The following TUT7 variants were observed in gnomAD, a reference collection of about 807,000 sequenced individuals.
TUT7 encodes the protein terminal uridylyltransferase 7.
A neutral mutation model predicts 165.9 loss-of-function variants in TUT7; 33 were observed. The ratio of observed to expected loss-of-function variants is 0.20; its 90% CI spans 0.15 to 0.27. The LOEUF (loss-of-function observed/expected upper bound fraction) is 0.27. TUT7 is among the 10% of genes least tolerant of loss of function. The pLI is 1.00. For synonymous variants in TUT7, 552 were observed against 608.1 expected (o/e 0.91, Z 1.36); for missense variants, 1,338 against 1,762.3 (o/e 0.76, Z 4.31).
chr9:86,317,147 T>C, intron 17 of TUT7, 72 bp downstream of exon 17: 3 of 1,330,842 alleles, frequency 2.3e-6, no homozygotes, highest in Non-Finnish European at 3.2e-6. Context: ...ACCCCATGGA[T>C]ACCAAGGGAA....
rs779112466 is a variant in TUT7 at position 86,323,470 on chromosome 9, C to T, written c.2280G>A (p.Lys760=). 1 of 1,614,230 alleles carries T rather than the reference C, an allele frequency of 6.2e-7. No homozygotes were observed. The part of the protein sequence containing the change: ...NEKEKVGRKG[K]HLLTVDQKRG... Reference sequence around the variant, plus strand: ...GTTTCTGATCAACAGTCAACAGATGCTTGCCCTTCCTTCCAACTTTCTCTT... The same window carrying T: ...GTTTCTGATCAACAGTCAACAGATGTTTGCCCTTCCTTCCAACTTTCTCTT... Residue 760 remains lysine (K), a synonymous_variant, in exon 13 of 27, where the codon AAG becomes AAA. Coordinates refer to ENST00000375963, the MANE Select transcript of TUT7 (RefSeq NM_024617.4).
intron 10 of TUT7, among the ~76,000 whole-genome samples, chr9:86,333,520 T>A (rs991909219): frequency 6.6e-6 from 1 of 152,222 alleles, no homozygotes; most frequent in South Asian, 2.1e-4. Flanking sequence ...CCCAAAGGCA[T>A]TGTTCATTTC....
At chr9:86,316,745 G>A (rs1828758551) in intron 17 of TUT7, among the ~76,000 whole-genome samples, 1 of 151,714 alleles carries the variant, frequency 6.6e-6, no homozygotes, top group African/African-American at 2.4e-5. Flanking sequence ...CATTAATATT[G>A]CAATTATTCT....
Position 86,338,969 on chromosome 9 carries a change from G to A in TUT7, c.1209-20C>T, listed in dbSNP as rs1238627917. ...AGACCACTGGTGAGAGGTGGGGGAG[G>A]AGGATGGGAAAGAAAAAAAGAAAAA... On this transcript the variant is annotated intron_variant, in intron 8 of 26. Coordinates refer to ENST00000375963, the MANE Select transcript of TUT7 (RefSeq NM_024617.4). 2.6e-6 allele frequency: 4 copies of A among 1,552,094 alleles called. No individual in the cohort carries two copies. Among genetic ancestry groups the A allele is most frequent in the Non-Finnish European group, 3.5e-6 (4 of 1,146,962 alleles).
chr9:86,336,726 C>T (rs368142151), intron 10 of TUT7, among the ~76,000 whole-genome samples: 5 of 152,258 alleles, frequency 3.3e-5, no homozygotes, highest in African/African-American at 1.2e-4. Context: ...AAAAGTGTAT[C>T]AAGGTAATAC....
Position 86,288,683 on chromosome 9 carries a change from T to C in TUT7, c.4482A>G (p.Glu1494=). ...GTGCTGCATTTTCCTTCCCTCATGA[T>C]TCCTGCTGGGTCCTCTTCGCTGAGG... is the stretch of plus-strand genomic sequence containing the variant. The part of the protein sequence containing the change: ...GKASAKRTQQ[E]S Residue 1494 remains glutamate, a synonymous_variant, in exon 27 of 27, where the codon GAA becomes GAG. Transcript: ENST00000375963. 6.2e-7 allele frequency: 1 copy of C among 1,613,724 alleles called. No homozygotes were observed. Among genetic ancestry groups the C allele is most frequent in the Non-Finnish European group, 8.5e-7 (1 of 1,179,726 alleles).
rs910128936 is a variant in TUT7 at position 86,323,164 on chromosome 9, G to A, written c.2586C>T (p.Leu862=). 6.2e-7 allele frequency: 1 copy of A among 1,614,114 alleles called. No individual in the cohort carries two copies. Among genetic ancestry groups the A allele is most frequent in the Non-Finnish European group, 8.5e-7 (1 of 1,180,030 alleles). The change falls in exon 13 of 27, where the codon CTC becomes CTT. Residue 862 remains leucine, a synonymous_variant. Coordinates refer to ENST00000375963, the MANE Select transcript of TUT7 (RefSeq NM_024617.4). ...CTTCATCTTCCCTTTGGTTAATGGTGAGCCTAGGTTCTTCTTCCTCCTCCT... is the reference window on the plus strand; with the variant it reads ...CTTCATCTTCCCTTTGGTTAATGGTAAGCCTAGGTTCTTCTTCCTCCTCCT... ...EEEEEEEEPR[L]TINQREDEDG...
intron 26 of TUT7, among the ~76,000 whole-genome samples, chr9:86,289,197 A>G (rs1007383001): frequency 2.0e-5 from 3 of 152,230 alleles, no homozygotes; most frequent in Non-Finnish European, 4.4e-5. Context: ...TATAAAAGGA[A>G]AAAGGGAAAT....
intron 26 of TUT7, among the ~76,000 whole-genome samples, chr9:86,293,399 T>C (rs376904230): frequency 2.0e-5 from 3 of 152,204 alleles, no homozygotes; most frequent in African/African-American, 4.8e-5. Context: ...TGAGCTATAA[T>C]TGAGCCACTG....
intron 5 of TUT7, among the ~76,000 whole-genome samples, chr9:86,343,425 TATC>T (rs1831482148): frequency 6.6e-6 from 1 of 152,206 alleles, no homozygotes; most frequent in Admixed American, 6.5e-5. Flanking sequence ...ATTGCTACGT[TATC>T]ATGTATTTTA....
intron 12 of TUT7, 56 bp downstream of exon 12, chr9:86,325,278 G>T: frequency 2.6e-6 from 4 of 1,539,788 alleles, no homozygotes; most frequent in Non-Finnish European, 3.6e-6. Flanking sequence ...CATGCTGTTA[G>T]ACTGGTACCT....
chr9:86,322,824 A>G (rs764433944), intron 13 of TUT7, 49 bp downstream of exon 13: 2 of 1,516,948 alleles, frequency 1.3e-6, no homozygotes, highest in Admixed American at 4.6e-5. Context: ...AAATGCATTC[A>G]AAGTCCTTAA....
intron 8 of TUT7, 115 bp downstream of exon 8, chr9:86,339,921 G>T: frequency 2.5e-6 from 2 of 805,004 alleles, no homozygotes; most frequent in Non-Finnish European, 2.1e-6. Context: ...GGAACCATGT[G>T]TGATAACCAA....
At position 86,291,736 on chromosome 9, in the gene TUT7, C is replaced by T. The variant is rs143530015; in HGVS notation, c.4421-2992G>A. ...TTTGGAAGAATACATAGAAATGACC[C>T]ACACACTGCTGGTGGGAGTTCTAAT... On this transcript the variant is annotated intron_variant, in intron 26 of 26. Transcript: ENST00000375963. Among the ~76,000 whole-genome samples the T allele has an allele frequency of 1.4e-3, 210 of 152,164 alleles. 1 individual carries two copies. Among genetic ancestry groups the T allele is most frequent in the African/African-American group, 4.8e-3 (198 of 41,514 alleles).
At chr9:86,300,849 A>ATGTGCCTGTGTGTGGCTCACC (rs1230588277) in intron 26 of TUT7, among the ~76,000 whole-genome samples, 7 of 152,228 alleles carry the variant, frequency 4.6e-5, no homozygotes, top group Non-Finnish European at 1.0e-4. Flanking sequence ...TTTTCTATGC[A>ATGTGCCTGTGTGTGGCTCACC]TGTGCCTGTG....
chr9:86,319,500 A>C, intron 15 of TUT7, 84 bp downstream of exon 15: 1 of 957,752 alleles, frequency 1.0e-6, no homozygotes, highest in East Asian at 2.6e-5. Context: ...CCTGATTCTC[A>C]AAATCAGTGT....
At chr9:86,354,246 C>A (rs1402633919) in intron 1 of TUT7, 25 bp downstream of exon 1, 1 of 152,806 alleles carries the variant, frequency 6.5e-6, no homozygotes, top group Non-Finnish European at 1.5e-5. Flanking sequence ...TGCGAGGAGG[C>A]CGGCGGGGGA....
At chr9:86,327,040 T>C (rs1403458117) in intron 11 of TUT7, among the ~76,000 whole-genome samples, 1 of 152,248 alleles carries the variant, frequency 6.6e-6, no homozygotes, top group African/African-American at 2.4e-5. Flanking sequence ...ACAAAGGTTC[T>C]GTCAAGTAAT....
At position 86,301,400 on chromosome 9, in the gene TUT7, G is replaced by A. The variant is rs369688398; in HGVS notation, c.4296C>T (p.Ile1432=). The A allele has an allele frequency of 6.2e-7, 1 of 1,614,092 alleles. No individual in the cohort carries two copies. The highest frequency in any genetic ancestry group is 1.1e-5 in the South Asian group (1 of 91,078). Reference sequence around the variant, plus strand: ...TCCATTTTTCTACTGGTGGCCTGAGGATCTTCTCCCTCCCCAGGTCAGCAG... The same window carrying A: ...TCCATTTTTCTACTGGTGGCCTGAGAATCTTCTCCCTCCCCAGGTCAGCAG... ...RAAADLGREK[I]LRPPVEKWKR... is the part of the protein sequence containing the mutation. The change falls in exon 26 of 27, where the codon ATC becomes ATT. Residue 1432 remains isoleucine, a synonymous_variant. Transcript: ENST00000375963.
Sources: gnomAD v4.1 joint callset for allele counts (sites outside exome capture counted in the v4.1 genomes callset) on GRCh38, gnomAD v4.1.1 for gene constraint, MANE v1.5 for transcripts, NCBI Gene and HGNC (gene_info 2026-07-23, HGNC 2026-07-21) for gene names.